UMAD1: variants seen among roughly 807,000 people sequenced by gnomAD.
UMAD1 encodes UBAP1-MVB12-associated (UMA) domain containing 1, also known as UBAP1-MVB12-associated (UMA)-domain containing protein 1.
Under a neutral mutation model 6.1 loss-of-function variants are expected in UMAD1, and 8 were observed. That is an observed-to-expected ratio of 1.30 (90% CI 0.76 to 2.35). UMAD1 has a LOEUF of 2.35. Among genes scored for constraint, UMAD1 ranks in the 30% most tolerant of loss-of-function variants. The probability of loss-of-function intolerance (pLI) is 0.00; values close to 1 mark genes in which losing one functional copy is unlikely to be tolerated. For missense variants in UMAD1, 130 were observed against 78.4 expected, an observed-to-expected ratio of 1.66 and a Z score of -2.49; for synonymous variants, 56 against 31.4, an observed-to-expected ratio of 1.78 and a Z score of -2.61.
At chr7:7,727,491 G>A (rs1026509829) in intron 2 of UMAD1, among the ~76,000 whole-genome samples, 5 of 152,130 alleles carry the variant, frequency 3.3e-5, no homozygotes, top group African/African-American at 1.2e-4. Flanking sequence ...GACAAGGAGT[G>A]GATTTGGGAT....
Position 7,830,769 on chromosome 7 carries a change from T to C in UMAD1, c.156+29026T>C, listed in dbSNP as rs1304739258. 6.6e-6 allele frequency among the ~76,000 whole-genome samples: 1 copy of C among 152,220 alleles called. No individual in the cohort carries two copies. The highest frequency in any genetic ancestry group is 1.5e-5 in the Non-Finnish European group (1 of 68,036). On this transcript the variant is annotated intron_variant, in intron 3 of 3. Coordinates refer to ENST00000682710, the MANE Select transcript of UMAD1 (RefSeq NM_001302348.2). This position sits in a 1 kb window ranked among gnomAD's most constrained non-coding sequence, Gnocchi z 5.3. ...AAATAAACACATAGACTAAGTTCTA[T>C]GAATCTTTACTTGCCGATCTTGTAT...
chr7:7,731,935 A>G (rs1443017423), intron 2 of UMAD1, among the ~76,000 whole-genome samples: 1 of 152,176 alleles, frequency 6.6e-6, no homozygotes, highest in Non-Finnish European at 1.5e-5. Context: ...TAACAGTGCT[A>G]TGATTCATTT....
intron 3 of UMAD1, among the ~76,000 whole-genome samples, chr7:7,834,889 A>G (rs1414210465): frequency 6.6e-6 from 1 of 152,168 alleles, no homozygotes; most frequent in Non-Finnish European, 1.5e-5. Context: ...GACACTTACA[A>G]TCAGGGCAGA....
intron 1 of UMAD1, among the ~76,000 whole-genome samples, chr7:7,666,189 TTTG>T (rs1779451274): frequency 3.8e-5 from 1 of 26,056 alleles, no homozygotes; most frequent in Non-Finnish European, 9.8e-5. Context: ...GTGTTTTTTG[TTTG>T]TTTGTTTGTT....
chr7:7,736,012 G>C (rs17136957), intron 2 of UMAD1: 44,468 of 152,314 alleles, frequency 0.29, 7,406 homozygotes, highest in African/African-American at 0.46. Context: ...GTATTTCTTA[G>C]AAAGAGCTTT....
intron 2 of UMAD1, among the ~76,000 whole-genome samples, chr7:7,712,313 T>C (rs1780785465): frequency 6.6e-6 from 1 of 152,176 alleles, no homozygotes; most frequent in Non-Finnish European, 1.5e-5. Flanking sequence ...GGAGAATTGC[T>C]ATATTTACAA....
chr7:7,827,642 C>G (rs1035399047), intron 3 of UMAD1, among the ~76,000 whole-genome samples: 2 of 152,018 alleles, frequency 1.3e-5, no homozygotes, highest in African/African-American at 4.8e-5. Context: ...GCATAATGAA[C>G]TAGAAGTAAT....
At chr7:7,674,565 T>A (rs1437313090) in intron 2 of UMAD1, among the ~76,000 whole-genome samples, 1 of 152,222 alleles carries the variant, frequency 6.6e-6, no homozygotes, top group African/African-American at 2.4e-5. Context: ...ACCAGATCCC[T>A]TATACCTGAG....
intron 2 of UMAD1, among the ~76,000 whole-genome samples, chr7:7,676,393 TC>T (rs560959590): frequency 5.9e-5 from 9 of 152,208 alleles, no homozygotes; most frequent in Non-Finnish European, 1.3e-4. Flanking sequence ...TTTCCAAGTT[TC>T]TCCAGTTAGT....
At chr7:7,766,379 T>C (rs572945672) in intron 2 of UMAD1, among the ~76,000 whole-genome samples, 1 of 152,338 alleles carries the variant, frequency 6.6e-6, no homozygotes, top group South Asian at 2.1e-4. Context: ...TAAACTGATA[T>C]TGCCTCAGGT....
intron 3 of UMAD1, among the ~76,000 whole-genome samples, chr7:7,810,273 A>G (rs79994591): frequency 0.019 from 2,941 of 152,196 alleles, 112 homozygotes; most frequent in African/African-American, 0.066. Flanking sequence ...AATTGGTACA[A>G]CTATTCTTGG....
intron 2 of UMAD1, among the ~76,000 whole-genome samples, chr7:7,722,014 C>A (rs913295071): frequency 1.3e-5 from 2 of 152,044 alleles, no homozygotes; most frequent in African/African-American, 4.8e-5. Flanking sequence ...ATGCTGGATG[C>A]TTCCTGTCCT....
At chr7:7,872,088 T>TAAAAAAAA (rs903103591) in intron 3 of UMAD1, among the ~76,000 whole-genome samples, 1 of 144,388 alleles carries the variant, frequency 6.9e-6, no homozygotes, top group African/African-American at 2.6e-5. Context: ...CATAAAAAAA[T>TAAAAAAAA]AAAAAATAAA....
intron 3 of UMAD1, among the ~76,000 whole-genome samples, chr7:7,849,935 G>A (rs896263040): frequency 6.6e-6 from 1 of 152,038 alleles, no homozygotes; most frequent in African/African-American, 2.4e-5. Flanking sequence ...GAACTGTGGA[G>A]CAAAGGCAAA....
At chr7:7,705,602 G>A (rs751714364) in intron 2 of UMAD1, among the ~76,000 whole-genome samples, 2 of 151,936 alleles carry the variant, frequency 1.3e-5, no homozygotes, top group Non-Finnish European at 2.9e-5. Flanking sequence ...TCTATTATAG[G>A]GATAATGAAT....
At chr7:7,689,839 G>A (rs909307244) in intron 2 of UMAD1, among the ~76,000 whole-genome samples, 1 of 152,092 alleles carries the variant, frequency 6.6e-6, no homozygotes, top group Non-Finnish European at 1.5e-5. Flanking sequence ...GATATTGCTG[G>A]TACCAAGGGA....
chr7:7,832,699 C>T (rs1476346745), intron 3 of UMAD1, among the ~76,000 whole-genome samples: 6 of 152,128 alleles, frequency 3.9e-5, no homozygotes, highest in Non-Finnish European at 5.9e-5. Flanking sequence ...CATGCTACCA[C>T]GAAGGGGGAT....
At chr7:7,838,303 TGAAATA>T (rs1194420376) in intron 3 of UMAD1, among the ~76,000 whole-genome samples, 1 of 152,120 alleles carries the variant, frequency 6.6e-6, no homozygotes, top group Admixed American at 6.5e-5. Flanking sequence ...TGTTGACCTC[TGAAATA>T]GAGAGTAAAA....
chr7:7,706,426 C>T (rs1007254861), intron 2 of UMAD1, among the ~76,000 whole-genome samples: 1 of 152,126 alleles, frequency 6.6e-6, no homozygotes. Context: ...GGGAACTGTA[C>T]TAGGTTCAGT....
Sources: allele counts gnomAD v4.1 joint callset (sites outside exome capture counted in the v4.1 genomes callset), GRCh38; gene constraint gnomAD v4.1.1; non-coding constraint Gnocchi (gnomAD v3.1); transcripts MANE v1.5; gene names NCBI Gene and HGNC (gene_info 2026-07-23, HGNC 2026-07-21).